Variants in MALRD1 observed in about 807,000 individuals in gnomAD.
MALRD1 encodes the protein MAM and LDL-receptor class A domain-containing protein 1.
A neutral mutation model predicts 242.1 loss-of-function variants in MALRD1; 247 were observed. The ratio of observed to expected loss-of-function variants is 1.02; its 90% confidence interval spans 0.92 to 1.13. MALRD1 has a LOEUF of 1.13. Among genes scored for constraint, MALRD1 ranks in the 50% most tolerant of loss-of-function variants. The pLI is 0.00. For synonymous variants in MALRD1, 995 were observed against 866.6 expected, an observed-to-expected ratio of 1.15 and a Z score of -2.60; for missense variants, 2,989 against 2,533.1, an observed-to-expected ratio of 1.18 and a Z score of -3.86.
At chr10:19,388,642 T>G (rs1424694810) in intron 27 of MALRD1, among the ~76,000 whole-genome samples, 1 of 152,124 alleles carries the variant, frequency 6.6e-6, no homozygotes, top group African/African-American at 2.4e-5. Flanking sequence ...AATTTAACTT[T>G]AAAGCCACAT....
intron 18 of MALRD1, among the ~76,000 whole-genome samples, chr10:19,215,256 A>T (rs1018613868): frequency 2.0e-5 from 3 of 152,222 alleles, no homozygotes; most frequent in South Asian, 4.1e-4. Context: ...TGATCTGGGC[A>T]CAACACTTCT....
intron 29 of MALRD1, among the ~76,000 whole-genome samples, chr10:19,482,872 A>C (rs946705965): frequency 1.3e-5 from 2 of 152,110 alleles, no homozygotes; most frequent in Admixed American, 6.6e-5. Context: ...TACTGCCCAA[A>C]TCAGTCAGCA....
At chr10:19,353,682 A>C (rs1024561130) in intron 26 of MALRD1, among the ~76,000 whole-genome samples, 2 of 152,238 alleles carry the variant, frequency 1.3e-5, no homozygotes, top group African/African-American at 4.8e-5. Flanking sequence ...TTTAATGCAA[A>C]GGTAATTGAC....
intron 26 of MALRD1, among the ~76,000 whole-genome samples, chr10:19,361,392 G>A (rs1815703771): frequency 6.6e-6 from 1 of 152,082 alleles, no homozygotes. Flanking sequence ...GAAGGGGTCT[G>A]GTTCCCATCC....
intron 26 of MALRD1, among the ~76,000 whole-genome samples, chr10:19,353,846 G>C (rs897279388): frequency 6.6e-6 from 1 of 151,994 alleles, no homozygotes; most frequent in Non-Finnish European, 1.5e-5. Flanking sequence ...CAGTTGGTGG[G>C]GGAGCAAGAG....
intron 36 of MALRD1, among the ~76,000 whole-genome samples, chr10:19,636,416 ATGT>A (rs918757947): frequency 2.0e-5 from 3 of 152,206 alleles, no homozygotes; most frequent in African/African-American, 7.2e-5. Context: ...TTGGGATATA[ATGT>A]TGGTATCAAC....
chr10:19,076,614 C>T (rs914797872), intron 2 of MALRD1, among the ~76,000 whole-genome samples: 2 of 152,012 alleles, frequency 1.3e-5, no homozygotes, highest in Non-Finnish European at 2.9e-5. Flanking sequence ...TACTTTTGAA[C>T]TCTCAATGCG....
chr10:19,458,891 G>GTT (rs1231728008), intron 29 of MALRD1, among the ~76,000 whole-genome samples: 200 of 121,130 alleles, frequency 1.7e-3, no homozygotes, highest in African/African-American at 5.0e-3. Context: ...GTATAGTTGA[G>GTT]TTATATATAT....
At chr10:19,656,757 A>C (rs996468561) in intron 36 of MALRD1, among the ~76,000 whole-genome samples, 2 of 152,102 alleles carry the variant, frequency 1.3e-5, no homozygotes, top group African/African-American at 2.4e-5. Context: ...CCATTTATTC[A>C]TTAGGGTGTC....
At chr10:19,658,655 T>C (rs945327124) in intron 36 of MALRD1, among the ~76,000 whole-genome samples, 2 of 152,202 alleles carry the variant, frequency 1.3e-5, no homozygotes, top group Non-Finnish European at 2.9e-5. Context: ...AACTTTCTTA[T>C]GTGTAAATCA....
At chr10:19,607,754 T>C (rs1838706273) in intron 34 of MALRD1, 23 bp from the exon 35 acceptor site, 5 of 1,544,278 alleles carry the variant, frequency 3.2e-6, no homozygotes, top group Non-Finnish European at 4.4e-6. Flanking sequence ...GCATCCCTGA[T>C]CATTATTCTT....
intron 4 of MALRD1, among the ~76,000 whole-genome samples, chr10:19,096,652 G>T (rs370918499): frequency 2.6e-5 from 4 of 152,158 alleles, no homozygotes; most frequent in South Asian, 2.1e-4. Context: ...AAAAGATTTT[G>T]TGAGGGGCTT....
At chr10:19,528,285 C>G (rs1396152215) in intron 31 of MALRD1, among the ~76,000 whole-genome samples, 4 of 152,148 alleles carry the variant, frequency 2.6e-5, no homozygotes, top group Non-Finnish European at 4.4e-5. Context: ...AGACAAAGTT[C>G]CCTGCTTATC....
intron 5 of MALRD1, among the ~76,000 whole-genome samples, chr10:19,112,225 G>T (rs542564678): frequency 2.6e-5 from 4 of 151,084 alleles, no homozygotes; most frequent in African/African-American, 9.7e-5. Context: ...GAACCACAAG[G>T]TCTGGTATCC....
chr10:19,419,004 A>G (rs1300857543), intron 28 of MALRD1, among the ~76,000 whole-genome samples: 1 of 152,118 alleles, frequency 6.6e-6, no homozygotes, highest in Non-Finnish European at 1.5e-5. Context: ...TGATCATTTC[A>G]CTATTCAAAA....
intron 28 of MALRD1, among the ~76,000 whole-genome samples, chr10:19,407,354 C>T (rs372519323): frequency 6.6e-6 from 1 of 152,110 alleles, no homozygotes; most frequent in Non-Finnish European, 1.5e-5. Flanking sequence ...TGGTGGTGTG[C>T]ACCTGTAGTC....
At chr10:19,725,122 CAAT>C (rs1834958575) in intron 38 of MALRD1, 2 of 152,140 alleles carry the variant, frequency 1.3e-5, no homozygotes, top group Non-Finnish European at 2.9e-5. Context: ...GAAAGGAGGA[CAAT>C]ATTGTCGAGA....
intron 39 of MALRD1, among the ~76,000 whole-genome samples, chr10:19,732,623 A>G (rs1398250619): frequency 4.6e-5 from 7 of 152,238 alleles, no homozygotes; most frequent in African/African-American, 1.7e-4. Context: ...AAAGGTACAC[A>G]TGAGATAAGG....
At chr10:19,495,852 G>T (rs1248921791) in intron 30 of MALRD1, among the ~76,000 whole-genome samples, 1 of 152,146 alleles carries the variant, frequency 6.6e-6, no homozygotes, top group Non-Finnish European at 1.5e-5. Flanking sequence ...AGTGACACCC[G>T]TAGGCTCAAA....
Sources: gnomAD v4.1 joint callset for allele counts (sites outside exome capture counted in the v4.1 genomes callset) on GRCh38, gnomAD v4.1.1 for gene constraint, MANE v1.5 for transcripts, NCBI Gene and HGNC (gene_info 2026-07-23, HGNC 2026-07-21) for gene names.